Variants in FARP2 observed in about 807,000 individuals in gnomAD.
FARP2 encodes the protein FERM, ARHGEF and pleckstrin domain-containing protein 2.
A neutral mutation model predicts 130.5 loss-of-function variants in FARP2; 111 were observed. The ratio of observed to expected loss-of-function variants is 0.85; its 90% CI spans 0.73 to 1.00. The LOEUF (loss-of-function observed/expected upper bound fraction) is 1.00. Among genes scored for constraint, FARP2 ranks in the 50% least tolerant of loss-of-function variants. The pLI is 0.00. For missense variants in FARP2, 1,385 were observed against 1,346.3 expected, an observed-to-expected ratio of 1.03 and a Z score of -0.45; for synonymous variants, 504 against 516.9, an observed-to-expected ratio of 0.98 and a Z score of 0.34.
chr2:241,465,784 G>A (rs1206777425), intron 17 of FARP2: 7 of 1,549,858 alleles, frequency 4.5e-6, no homozygotes, highest in Admixed American at 2.0e-5. Flanking sequence ...TCCATCCCTC[G>A]CCTGTCCCAC....
intron 17 of FARP2, chr2:241,466,562 C>T (rs1001272263): frequency 2.0e-6 from 2 of 985,440 alleles, no homozygotes; most frequent in African/African-American, 1.7e-5. Flanking sequence ...ACTTCCACCT[C>T]CCGCTAGAAG....
chr2:241,413,938 C>G (rs1004030863), intron 7 of FARP2, among the ~76,000 whole-genome samples: 3 of 142,494 alleles, frequency 2.1e-5, no homozygotes, highest in Non-Finnish European at 4.5e-5. Flanking sequence ...GAAACTCCGT[C>G]TCAAAAAAAA....
In FARP2 at chr2:241,407,583, T is replaced by G; in HGVS notation, c.378T>G (p.Pro126=). 2 of 1,614,080 alleles carry G rather than the reference T, an allele frequency of 1.2e-6. No homozygotes were observed. The highest frequency in any genetic ancestry group is 1.7e-6 in the Non-Finnish European group (2 of 1,179,920). The change falls in exon 5 of 27, where the codon CCT becomes CCG. Residue 126 remains proline, a synonymous_variant. Transcript: ENST00000264042. ...VLRLAVKFFP[P]DPGQLQEEYT... ...GCCTAGCTGTAAAATTTTTTCCACCTGATCCTGGTCAGCTACAAGAAGAAT... is the reference window on the plus strand; with the variant it reads ...GCCTAGCTGTAAAATTTTTTCCACCGGATCCTGGTCAGCTACAAGAAGAAT...
chr2:241,494,083 C>G lies in FARP2; in HGVS notation c.3123C>G (p.Pro1041=). 1 of 1,454,538 alleles carries G rather than the reference C, an allele frequency of 6.9e-7. No individual in the cohort carries two copies. Among genetic ancestry groups the G allele is most frequent in the Non-Finnish European group, 9.0e-7 (1 of 1,108,518 alleles). The allele number at this position is 1,454,538 out of a possible 1,614,324, so 90.1% of individuals were successfully genotyped here. The change falls in exon 27 of 27, where the codon CCC becomes CCG. Residue 1041 remains proline, a synonymous_variant. Coordinates refer to ENST00000264042, the MANE Select transcript of FARP2 (RefSeq NM_014808.4). The surrounding 1 kb of genome is among the most constrained non-coding windows in gnomAD (Gnocchi z 4.9). ...GCATCGTGCAGGATGGCCCCCAACCCTCCTCAGGGCTGGAGGGGATGGTCA... is the reference window on the plus strand; with the variant it reads ...GCATCGTGCAGGATGGCCCCCAACCGTCCTCAGGGCTGGAGGGGATGGTCA... ...APSIVQDGPQ[P]SSGLEGMVRG... is the part of the protein sequence containing the mutation.
At chr2:241,463,568 T>G in intron 16 of FARP2, 100 bp downstream of exon 16, 2 of 1,377,326 alleles carry the variant, frequency 1.5e-6, no homozygotes, top group Non-Finnish European at 2.0e-6. Flanking sequence ...AGAAGAGCCA[T>G]TTTTTCACTG....
intron 1 of FARP2, among the ~76,000 whole-genome samples, chr2:241,364,597 T>C (rs1250198705): frequency 6.6e-6 from 1 of 152,198 alleles, no homozygotes; most frequent in Non-Finnish European, 1.5e-5. Context: ...GAAGTAAAGC[T>C]ACTCTTGAAA....
chr2:241,396,589 A>G (rs1227394953), intron 2 of FARP2, among the ~76,000 whole-genome samples: 1 of 152,240 alleles, frequency 6.6e-6, no homozygotes, highest in African/African-American at 2.4e-5. Context: ...AAAAATGCTC[A>G]TCATCACTGG....
intron 14 of FARP2, among the ~76,000 whole-genome samples, chr2:241,461,320 G>A (rs1329474382): frequency 6.7e-6 from 1 of 148,552 alleles, no homozygotes; most frequent in Non-Finnish European, 1.5e-5. Context: ...GTGGTGCTGA[G>A]GTCCACCGGC....
At chr2:241,465,420 T>C in intron 17 of FARP2, 1 of 1,518,068 alleles carries the variant, frequency 6.6e-7, no homozygotes, top group Non-Finnish European at 8.9e-7. Flanking sequence ...CTGGGACTTG[T>C]TTCCACCTTG....
intron 25 of FARP2, 70 bp from the exon 26 acceptor site, chr2:241,493,223 G>A: frequency 2.0e-6 from 3 of 1,534,174 alleles, no homozygotes; most frequent in South Asian, 1.1e-5. Flanking sequence ...CGTTGTGCAG[G>A]TAGCAGAGGA....
At chr2:241,423,110 G>A (rs1461611050) in intron 8 of FARP2, among the ~76,000 whole-genome samples, 1 of 152,126 alleles carries the variant, frequency 6.6e-6, no homozygotes, top group African/African-American at 2.4e-5. Context: ...GAAATGCAGA[G>A]AACCCCAGTA....
At chr2:241,435,297 G>A (rs1182862386) in intron 11 of FARP2, among the ~76,000 whole-genome samples, 2 of 148,958 alleles carry the variant, frequency 1.3e-5, no homozygotes, top group Non-Finnish European at 3.0e-5. Flanking sequence ...GTAGAGACAA[G>A]GTCTTGCTAT....
At chr2:241,429,131 C>T (rs2063030140) in intron 8 of FARP2, among the ~76,000 whole-genome samples, 1 of 152,218 alleles carries the variant, frequency 6.6e-6, no homozygotes. Flanking sequence ...AGCAGTGTCT[C>T]AGACGTTTTT....
At chr2:241,439,689 A>G (rs1217118078) in intron 12 of FARP2, among the ~76,000 whole-genome samples, 1 of 152,174 alleles carries the variant, frequency 6.6e-6, no homozygotes, top group Admixed American at 6.5e-5. Flanking sequence ...GGACAGGCAC[A>G]GTGACTCAAC....
At chr2:241,378,656 T>C (rs1464600108) in intron 2 of FARP2, among the ~76,000 whole-genome samples, 3 of 151,942 alleles carry the variant, frequency 2.0e-5, no homozygotes, top group Non-Finnish European at 4.4e-5. Context: ...GCAATCCTCC[T>C]GCCTCAGCCT....
intron 1 of FARP2, among the ~76,000 whole-genome samples, chr2:241,366,671 T>G (rs1461282456): frequency 6.6e-6 from 1 of 152,132 alleles, no homozygotes; most frequent in Non-Finnish European, 1.5e-5. Flanking sequence ...ATTTAATTTT[T>G]GGCTACCAAA....
At chr2:241,462,663 C>G (rs371510656) in intron 15 of FARP2, 51 bp downstream of exon 15, 57 of 1,162,246 alleles carry the variant, frequency 4.9e-5, no homozygotes, top group Non-Finnish European at 7.2e-5. Context: ...AATCTCTCAT[C>G]TGAACACAGA....
In FARP2 at chr2:241,491,609, ACAC is replaced by A. The variant is rs1553739017; in HGVS notation, c.2721_2723del (p.Thr908del). On this transcript the variant is annotated inframe_deletion, in exon 24 of 27. Transcript: ENST00000264042. ...GAGGGGCATGGCCAGCACCGGGCCA[ACAC>A]CACAATGCACGTGTGCTGGTACCGG... 6.2e-7 allele frequency: 1 copy of A among 1,613,670 alleles called. No individual in the cohort carries two copies. The highest frequency in any genetic ancestry group is 8.5e-7 in the Non-Finnish European group (1 of 1,180,010).
chr2:241,389,270 C>T (rs1208670318), intron 2 of FARP2, among the ~76,000 whole-genome samples: 1 of 152,160 alleles, frequency 6.6e-6, no homozygotes, highest in East Asian at 1.9e-4. Context: ...CAGAGCAAGA[C>T]TTCGTCTCAA....
Sources: gnomAD v4.1 joint callset for allele counts (sites outside exome capture counted in the v4.1 genomes callset) on GRCh38, gnomAD v4.1.1 for gene constraint, Gnocchi (gnomAD v3.1) non-coding constraint, MANE v1.5 for transcripts, NCBI Gene and HGNC (gene_info 2026-07-23, HGNC 2026-07-21) for gene names.